EFCAB14: variants seen among roughly 807,000 people sequenced by gnomAD.
The protein encoded by EFCAB14 is EF-hand calcium binding domain 14.
Under a neutral mutation model 56.5 loss-of-function variants are expected in EFCAB14, and 43 were observed. The ratio of observed to expected loss-of-function variants is 0.76; its 90% CI spans 0.60 to 0.98. The LOEUF is 0.98. Ranked by LOEUF, EFCAB14 falls within the 50% of genes least tolerant of loss-of-function variation. EFCAB14 has a pLI of 0.00. For synonymous variants in EFCAB14, 235 were observed against 212.9 expected (o/e 1.10, Z -0.90); for missense variants, 538 against 580.3 (o/e 0.93, Z 0.75).
In EFCAB14 at chr1:46,717,949, C is replaced by T. The variant is rs1260560757; in HGVS notation, c.139G>A (p.Glu47Lys). 1.9e-6 allele frequency: 3 copies of T among 1,614,180 alleles called. No individual in the cohort carries two copies. Among genetic ancestry groups the T allele is most frequent in the Non-Finnish European group, 2.5e-6 (3 of 1,180,026 alleles). ...PDSDSESSSE[E>K]EEEFGVVGNR... is the part of the protein sequence containing the mutation. Reference sequence around the variant, plus strand: ...CCAACCACACCGAATTCCTCTTCCTCTTCGGAGCTGGACTCAGAGTCTGAG... The same window carrying T: ...CCAACCACACCGAATTCCTCTTCCTTTTCGGAGCTGGACTCAGAGTCTGAG... Residue 47 changes from glutamate (E) to lysine (K), a missense_variant, in exon 1 of 11, where the codon GAG (glutamate) becomes AAG (lysine). Transcript: ENST00000371933.
chr1:46,702,363 T>A (rs2148847506), intron 3 of EFCAB14, among the ~76,000 whole-genome samples: 1 of 152,340 alleles, frequency 6.6e-6, no homozygotes, highest in Middle Eastern at 3.4e-3. Context: ...CAGCATCATA[T>A]CCTTTCAGCT....
intron 3 of EFCAB14, 94 bp downstream of exon 3, chr1:46,707,812 A>G (rs1677254568): frequency 7.9e-7 from 1 of 1,268,070 alleles, no homozygotes; most frequent in African/African-American, 1.5e-5. Flanking sequence ...AACTGAAATG[A>G]ATTCCCTATA....
At chr1:46,688,822 T>C (rs1676931495) in intron 6 of EFCAB14, among the ~76,000 whole-genome samples, 1 of 152,242 alleles carries the variant, frequency 6.6e-6, no homozygotes, top group Admixed American at 6.5e-5. Flanking sequence ...GGGAATTGAT[T>C]TCCCCAATGT....
chr1:46,711,749 A>G (rs541690986), intron 2 of EFCAB14, among the ~76,000 whole-genome samples: 7 of 152,244 alleles, frequency 4.6e-5, no homozygotes, highest in Admixed American at 2.0e-4. Flanking sequence ...AAATGTAAAC[A>G]TATACCACTC....
At chr1:46,687,709 G>C (rs965480381) in intron 7 of EFCAB14, among the ~76,000 whole-genome samples, 8 of 152,190 alleles carry the variant, frequency 5.3e-5, no homozygotes, top group Non-Finnish European at 2.9e-5. Context: ...AAGTTTATGT[G>C]AAACTGCACA....
rs1357947901 is a variant in EFCAB14 at position 46,688,557 on chromosome 1, T to G, written c.796-13A>C. 1 of 1,608,310 alleles carries G rather than the reference T, an allele frequency of 6.2e-7. No individual in the cohort carries two copies. Among genetic ancestry groups the G allele is most frequent in the Admixed American group, 1.7e-5 (1 of 59,322 alleles). On this transcript the variant is annotated splice_polypyrimidine_tract_variant and intron_variant, in intron 6 of 10. Coordinates refer to ENST00000371933, the MANE Select transcript of EFCAB14 (RefSeq NM_014774.3). ...GGTACAGGATATCCTAGAGTGGAAA[T>G]AAATAAAGTTATGGAATCCACTAAA...
rs1677381653 is a variant in EFCAB14 at position 46,715,907 on chromosome 1, T to TG, written c.334+387dup. 2.0e-5 allele frequency among the ~76,000 whole-genome samples: 3 copies of TG among 152,122 alleles called. No individual in the cohort carries two copies. The South Asian group carries it at 6.2e-4, about 32-fold the overall frequency. ...GGCAAAAATCTTCGTTCAGCAGGGTTGACTTTGTCCCAGAACCTGGAAAGG... is the reference window on the plus strand; with the variant it reads ...GGCAAAAATCTTCGTTCAGCAGGGTTGGACTTTGTCCCAGAACCTGGAAAGG... On this transcript the variant is annotated intron_variant, in intron 2 of 10. Coordinates refer to ENST00000371933, the MANE Select transcript of EFCAB14 (RefSeq NM_014774.3).
chr1:46,717,912 C>T lies in EFCAB14; in HGVS notation c.176G>A (p.Arg59His). ...TTTCACCACTACTCACTTGGCAAAG[C>T]GAGAGCGATTTCCAACCACACCGAA... ...EEFGVVGNRS[R>H]FAKGDYLRCC... The change falls in exon 1 of 11, where the codon CGC (arginine) becomes CAC (histidine). Residue 59 changes from arginine to histidine, a missense_variant. Arg to His is a conservative substitution (Grantham distance 29). Transcript: ENST00000371933. 1 of 1,613,256 alleles carries T rather than the reference C, an allele frequency of 6.2e-7. No homozygotes were observed. Among genetic ancestry groups the T allele is most frequent in the Non-Finnish European group, 8.5e-7 (1 of 1,179,728 alleles).
At chr1:46,685,673 A>G (rs981474479) in intron 8 of EFCAB14, among the ~76,000 whole-genome samples, 2 of 152,230 alleles carry the variant, frequency 1.3e-5, no homozygotes, top group African/African-American at 4.8e-5. Flanking sequence ...CCAAGATGAA[A>G]TTTATGTATA....
At chr1:46,686,001 A>G (rs1162413393) in intron 8 of EFCAB14, among the ~76,000 whole-genome samples, 1 of 152,256 alleles carries the variant, frequency 6.6e-6, no homozygotes, top group African/African-American at 2.4e-5. Context: ...GTGTGGTTCC[A>G]GTTCAAGTTC....
chr1:46,683,296 T>C lies in EFCAB14; in HGVS notation c.1312+4A>G, dbSNP rs1676825214. ...CATTACTACCCCGTGGTATAAAAAT[T>C]TACCTTCAGTGCTAGAAACTCCTGG... On this transcript the variant is annotated splice_donor_region_variant and intron_variant, in intron 10 of 10. Coordinates refer to ENST00000371933, the MANE Select transcript of EFCAB14 (RefSeq NM_014774.3). The C allele has an allele frequency of 6.2e-7, 1 of 1,611,676 alleles. No individual in the cohort carries two copies. The highest frequency in any genetic ancestry group is 1.3e-5 in the African/African-American group (1 of 74,910).
At chr1:46,682,805 C>T (rs1676816917) in intron 10 of EFCAB14, among the ~76,000 whole-genome samples, 1 of 152,232 alleles carries the variant, frequency 6.6e-6, no homozygotes, top group Admixed American at 6.5e-5. Context: ...AGGTGGGTCA[C>T]TTGAGGTCAG....
chr1:46,687,637 T>C (rs1676906688), intron 7 of EFCAB14, among the ~76,000 whole-genome samples: 2 of 152,222 alleles, frequency 1.3e-5, no homozygotes, highest in African/African-American at 2.4e-5. Flanking sequence ...CTTTGCTATA[T>C]GAAATCTTTA....
intron 3 of EFCAB14, among the ~76,000 whole-genome samples, chr1:46,704,977 T>C (rs12029031): frequency 0.38 from 58,343 of 151,906 alleles, 12,851 homozygotes; most frequent in Non-Finnish European, 0.5. Flanking sequence ...ATAACACTTC[T>C]TGTTTGAGCC....
intron 5 of EFCAB14, 129 bp downstream of exon 5, chr1:46,691,698 G>A (rs1676994803): frequency 1.7e-6 from 1 of 594,472 alleles, no homozygotes; most frequent in African/African-American, 1.9e-5. Flanking sequence ...AACAATCAAT[G>A]TATACTGCTT....
chr1:46,714,610 A>G (rs1569740197), intron 2 of EFCAB14, among the ~76,000 whole-genome samples: 1 of 152,002 alleles, frequency 6.6e-6, no homozygotes, highest in East Asian at 1.9e-4. Context: ...TGGGCAACAT[A>G]GCAAAACCCT....
chr1:46,707,378 C>T (rs1210862123), intron 3 of EFCAB14, among the ~76,000 whole-genome samples: 2 of 152,118 alleles, frequency 1.3e-5, no homozygotes, highest in Non-Finnish European at 2.9e-5. Flanking sequence ...GAATCAATGC[C>T]TACTCAACTC....
At chr1:46,711,608 A>G (rs1208821543) in intron 2 of EFCAB14, among the ~76,000 whole-genome samples, 3 of 152,198 alleles carry the variant, frequency 2.0e-5, no homozygotes, top group Non-Finnish European at 4.4e-5. Flanking sequence ...TGTAGCAAAC[A>G]AACAACTTCT....
At chr1:46,710,692 T>C (rs1677295400) in intron 2 of EFCAB14, among the ~76,000 whole-genome samples, 1 of 152,196 alleles carries the variant, frequency 6.6e-6, no homozygotes, top group Non-Finnish European at 1.5e-5. Flanking sequence ...TAGCTGGGAC[T>C]ACAAGCTTGT....
Sources: gnomAD v4.1 joint callset for allele counts (sites outside exome capture counted in the v4.1 genomes callset) on GRCh38, gnomAD v4.1.1 for gene constraint, MANE v1.5 for transcripts, NCBI Gene and HGNC (gene_info 2026-07-23, HGNC 2026-07-21) for gene names.